The following ARHGAP17 variants were observed in gnomAD, a reference collection of about 807,000 sequenced individuals.
ARHGAP17 encodes rho GTPase-activating protein 17.
In ARHGAP17, 57 loss-of-function variants were observed where a neutral mutation model predicts 99.5. The ratio of observed to expected loss-of-function variants is 0.57; its 90% CI spans 0.46 to 0.71. The LOEUF (loss-of-function observed/expected upper bound fraction) is 0.71, where lower values mean the gene tolerates loss of function less well. Ranked by LOEUF, ARHGAP17 falls within the 30% of genes least tolerant of loss-of-function variation. The pLI, the probability that ARHGAP17 is intolerant of heterozygous loss-of-function variation, is 0.00. For missense variants in ARHGAP17, 1,000 were observed against 1,122.4 expected (o/e 0.89, Z 1.56); for synonymous variants, 417 against 429.6 (o/e 0.97, Z 0.36).
chr16:25,011,722 C>A lies in ARHGAP17; in HGVS notation c.53+3487G>T, dbSNP rs998436939. Reference sequence around the variant, plus strand: ...TCAAAAAAAAAAAAAAAGAGTGGAACCCCCAGAAGAAGCCAAATCTGCAGC... The same window carrying A: ...TCAAAAAAAAAAAAAAAGAGTGGAAACCCCAGAAGAAGCCAAATCTGCAGC... On this transcript the variant is annotated intron_variant, in intron 1 of 19. Transcript: ENST00000289968. 3.3e-5 allele frequency among the ~76,000 whole-genome samples: 5 copies of A among 151,798 alleles called. No homozygotes were observed. In the East Asian group the frequency reaches 9.7e-4, roughly 29 times the overall value.
chr16:24,957,931 G>A lies in ARHGAP17; in HGVS notation c.724+1740C>T, dbSNP rs555037117. 2.0e-3 allele frequency among the ~76,000 whole-genome samples: 305 copies of A among 152,200 alleles called. 1 individual carries two copies. The highest frequency in any genetic ancestry group is 3.9e-3 in the Non-Finnish European group (267 of 68,010). On this transcript the variant is annotated intron_variant, in intron 9 of 19. Coordinates refer to ENST00000289968, the MANE Select transcript of ARHGAP17 (RefSeq NM_001006634.3). The stretch of plus-strand genomic sequence containing the variant: ...AGGTCACACTTTTTTTATATAGTAA[G>A]GACAAGATAAGTCTTTCTGAAAACA...
chr16:24,934,287 A>G (rs1199537421), intron 18 of ARHGAP17, among the ~76,000 whole-genome samples: 1 of 151,990 alleles, frequency 6.6e-6, no homozygotes. Context: ...CAGCCTCTTG[A>G]GTAGCTGGGA....
chr16:24,990,641 A>T (rs1246252048), intron 1 of ARHGAP17, among the ~76,000 whole-genome samples: 1 of 152,086 alleles, frequency 6.6e-6, no homozygotes, highest in African/African-American at 2.4e-5. Flanking sequence ...TGGGCAACAG[A>T]GTGAGACCAT....
At chr16:24,989,715 A>C (rs1309834225) in intron 1 of ARHGAP17, among the ~76,000 whole-genome samples, 1 of 152,208 alleles carries the variant, frequency 6.6e-6, no homozygotes, top group East Asian at 1.9e-4. Flanking sequence ...CAAATCATTG[A>C]GTTCTACACT....
chr16:24,944,208 T>C (rs181649882), intron 14 of ARHGAP17, among the ~76,000 whole-genome samples: 522 of 150,804 alleles, frequency 3.5e-3, no homozygotes, highest in African/African-American at 0.012. Flanking sequence ...AAGATGGAGG[T>C]TGCAGTGAGC....
In ARHGAP17 at chr16:24,964,320, A is replaced by C. The variant is rs1299935284; in HGVS notation, c.462-12T>G. ...GAGCTTGGTTCCACCTGCAAAACAA[A>C]GGGGTCACCAGCATCTGAGAACCAG... On this transcript the variant is annotated splice_polypyrimidine_tract_variant and intron_variant, in intron 6 of 19. Transcript: ENST00000289968. The C allele has an allele frequency of 6.4e-7, 1 of 1,569,610 alleles. No homozygotes were observed. The highest frequency in any genetic ancestry group is 2.2e-5 in the East Asian group (1 of 44,666).
At chr16:24,974,346 G>A (rs547254252) in intron 3 of ARHGAP17, among the ~76,000 whole-genome samples, 212 of 152,262 alleles carry the variant, frequency 1.4e-3, no homozygotes, top group Non-Finnish European at 2.5e-3. Context: ...TGGGAGAATC[G>A]TTTGAACCGG....
chr16:25,012,843 G>A (rs1407411923), intron 1 of ARHGAP17, among the ~76,000 whole-genome samples: 1 of 152,184 alleles, frequency 6.6e-6, no homozygotes, highest in Non-Finnish European at 1.5e-5. Context: ...TCAAAGGTCA[G>A]GCCCAGAATT....
At chr16:24,987,749 C>G (rs928500205) in intron 1 of ARHGAP17, among the ~76,000 whole-genome samples, 1 of 152,146 alleles carries the variant, frequency 6.6e-6, no homozygotes, top group East Asian at 1.9e-4. Context: ...GATCACTGTT[C>G]TGCTGGCTTT....
At chr16:24,986,439 T>C (rs780603138) in intron 1 of ARHGAP17, among the ~76,000 whole-genome samples, 3 of 152,192 alleles carry the variant, frequency 2.0e-5, no homozygotes, top group Admixed American at 6.5e-5. Context: ...CCATTTTTTA[T>C]GTTCAGAAAG....
At position 24,947,615 on chromosome 16, in the gene ARHGAP17, G is replaced by A. The variant is rs371140474; in HGVS notation, c.1128-20C>T. On this transcript the variant is annotated intron_variant, in intron 13 of 19. Coordinates refer to ENST00000289968, the MANE Select transcript of ARHGAP17 (RefSeq NM_001006634.3). ...AAATATCTAGGGGTCAAAAGAGAAG[G>A]GGAGGGTTTCTCCTCTGAAATAGCT... is the stretch of plus-strand genomic sequence containing the variant. The A allele has an allele frequency of 6.3e-7, 1 of 1,587,210 alleles. No individual in the cohort carries two copies. Among genetic ancestry groups the A allele is most frequent in the Admixed American group, 1.7e-5 (1 of 59,974 alleles).
chr16:24,964,291 T>G lies in ARHGAP17; in HGVS notation c.479A>C (p.Lys160Thr). The change falls in exon 7 of 20, where the codon AAA becomes ACA. Residue 160 changes from lysine to threonine, a missense_variant. Around this residue, in one of 2 missense-constraint regions of ARHGAP17, gnomAD observed 472 missense variants for 611.1 expected, o/e 0.77. Transcript: ENST00000289968. Reference protein sequence around the residue: ...SVRARWNQAHKSSGTNFQGLP... With the variant: ...SVRARWNQAHTSSGTNFQGLP... ...CCCCTGAAAGTTGGTTCCTGAGGAT[T>G]TGTGAGCTTGGTTCCACCTGCAAAA... 1 of 1,613,650 alleles carries G rather than the reference T, an allele frequency of 6.2e-7. No individual in the cohort carries two copies. Among genetic ancestry groups the G allele is most frequent in the Non-Finnish European group, 8.5e-7 (1 of 1,179,782 alleles).
chr16:24,968,283 C>G, intron 6 of ARHGAP17, 68 bp downstream of exon 6: 1 of 1,559,014 alleles, frequency 6.4e-7, no homozygotes. Flanking sequence ...ATTGTGTCCA[C>G]TGTCAGTGGT....
At chr16:24,923,360 A>T (rs1161917740) in intron 19 of ARHGAP17, among the ~76,000 whole-genome samples, 1 of 152,186 alleles carries the variant, frequency 6.6e-6, no homozygotes, top group Admixed American at 6.5e-5. Context: ...TTTGTCTGAA[A>T]CACCTCTAAA....
intron 1 of ARHGAP17, among the ~76,000 whole-genome samples, chr16:25,008,759 T>C (rs1331846742): frequency 6.6e-6 from 1 of 152,230 alleles, no homozygotes; most frequent in African/African-American, 2.4e-5. Context: ...AAAATGATGC[T>C]AAATGAACAT....
chr16:24,982,716 G>C (rs757288372), intron 1 of ARHGAP17, among the ~76,000 whole-genome samples: 9 of 151,988 alleles, frequency 5.9e-5, no homozygotes, highest in Non-Finnish European at 1.3e-4. Flanking sequence ...ACCTTTACCA[G>C]AGATATGGAA....
At chr16:24,992,239 TC>T (rs1369196396) in intron 1 of ARHGAP17, among the ~76,000 whole-genome samples, 1 of 152,170 alleles carries the variant, frequency 6.6e-6, no homozygotes, top group Admixed American at 6.6e-5. Context: ...AAGTAGGAAC[TC>T]CTGGAGCCCT....
chr16:24,932,573 T>C (rs2051024516), intron 18 of ARHGAP17, among the ~76,000 whole-genome samples: 1 of 152,134 alleles, frequency 6.6e-6, no homozygotes, highest in Non-Finnish European at 1.5e-5. Context: ...ATTGGTTTGA[T>C]TGGTCTTAAT....
chr16:24,985,994 C>T (rs906292482), intron 1 of ARHGAP17, among the ~76,000 whole-genome samples: 2 of 152,126 alleles, frequency 1.3e-5, no homozygotes, highest in African/African-American at 2.4e-5. Context: ...CTTAACTGCA[C>T]GAAAGCAAGG....
Sources: gnomAD v4.1 joint callset for allele counts (sites outside exome capture counted in the v4.1 genomes callset) on GRCh38, gnomAD v4.1.1 for gene constraint, gnomAD v4.1.1 regional missense constraint, MANE v1.5 for transcripts, NCBI Gene and HGNC (gene_info 2026-07-23, HGNC 2026-07-21) for gene names.